Variants in ATP8B4 observed in about 807,000 individuals in gnomAD.
The protein encoded by ATP8B4 is probable phospholipid-transporting ATPase IM.
Under a neutral mutation model 145.6 loss-of-function variants are expected in ATP8B4, and 133 were observed. The observed-to-expected ratio is 0.91, with a 90% CI of 0.79 to 1.05. ATP8B4 has a LOEUF of 1.05. Among genes scored for constraint, ATP8B4 ranks in the 50% least tolerant of loss-of-function variants. The pLI is 0.00. For synonymous variants in ATP8B4, 507 were observed against 492.9 expected (o/e 1.03, Z -0.38); for missense variants, 1,458 against 1,425.2 (o/e 1.02, Z -0.37).
intron 1 of ATP8B4, among the ~76,000 whole-genome samples, chr15:50,127,459 C>T (rs931465818): frequency 2.0e-5 from 3 of 152,190 alleles, no homozygotes; most frequent in Admixed American, 6.5e-5. Context: ...CCACAGCAAT[C>T]GTGAATGTGG....
At chr15:50,034,692 G>A (rs1008612402) in intron 6 of ATP8B4, among the ~76,000 whole-genome samples, 3 of 152,126 alleles carry the variant, frequency 2.0e-5, no homozygotes, top group Non-Finnish European at 4.4e-5. Context: ...TCATTTAATT[G>A]CTCTGGGCTG....
intron 1 of ATP8B4, among the ~76,000 whole-genome samples, chr15:50,176,173 G>A (rs2044760687): frequency 6.6e-6 from 1 of 151,192 alleles, no homozygotes; most frequent in Non-Finnish European, 1.5e-5. Context: ...CACACACAAT[G>A]GAATACTACA....
chr15:49,958,156 G>A (rs2413987), intron 14 of ATP8B4, among the ~76,000 whole-genome samples: 67,088 of 151,066 alleles, frequency 0.44, 16,335 homozygotes, highest in Non-Finnish European at 0.54. Flanking sequence ...TTCAAACTCA[G>A]TGGTTCAATT....
intron 12 of ATP8B4, among the ~76,000 whole-genome samples, chr15:49,975,150 C>T (rs1044525499): frequency 6.6e-6 from 1 of 152,092 alleles, no homozygotes; most frequent in Non-Finnish European, 1.5e-5. Context: ...ATGTTAAACT[C>T]TTAATTATTT....
chr15:49,966,005 G>A (rs779922644), intron 13 of ATP8B4, among the ~76,000 whole-genome samples: 1 of 152,180 alleles, frequency 6.6e-6, no homozygotes, highest in Non-Finnish European at 1.5e-5. Context: ...CCTCACCGGG[G>A]AAGTGCAAGG....
rs369193919 is a variant in ATP8B4 at position 49,951,642 on chromosome 15, A to G, written c.1287+10335T>C. 2.7e-4 allele frequency among the ~76,000 whole-genome samples: 41 copies of G among 152,212 alleles called. No individual in the cohort carries two copies. The East Asian group carries it at 3.1e-3, about 11-fold the overall frequency. On this transcript the variant is annotated intron_variant, in intron 14 of 27. Coordinates refer to ENST00000284509, the MANE Select transcript of ATP8B4 (RefSeq NM_024837.4). ...GCACACTAATGGGTCTTGATTCCCT[A>G]TCCAATTTCCCAGTCTGTGCCTTTT...
intron 12 of ATP8B4, among the ~76,000 whole-genome samples, chr15:49,979,413 GA>G (rs1454814561): frequency 6.6e-6 from 1 of 152,082 alleles, no homozygotes; most frequent in African/African-American, 2.4e-5. Context: ...AAATCAAGAA[GA>G]AAATTAACCG....
chr15:49,986,606 A>C (rs886988055), intron 10 of ATP8B4, among the ~76,000 whole-genome samples: 4 of 152,202 alleles, frequency 2.6e-5, no homozygotes, highest in Non-Finnish European at 2.9e-5. Flanking sequence ...TTGTTGAGGA[A>C]GGTCAGTTAA....
At chr15:50,002,308 A>C in intron 7 of ATP8B4, 85 bp from the exon 8 acceptor site, 4 of 1,078,766 alleles carry the variant, frequency 3.7e-6, no homozygotes, top group Non-Finnish European at 5.4e-6. Flanking sequence ...CTTGACTACT[A>C]AAGAGGCAAC....
At chr15:49,926,931 A>C (rs2040777218) in intron 16 of ATP8B4, among the ~76,000 whole-genome samples, 1 of 152,150 alleles carries the variant, frequency 6.6e-6, no homozygotes, top group African/African-American at 2.4e-5. Context: ...TTGTACTTTG[A>C]TAATCTTGAA....
intron 25 of ATP8B4, among the ~76,000 whole-genome samples, chr15:49,874,715 A>G (rs1488678517): frequency 6.6e-6 from 1 of 152,100 alleles, no homozygotes. Flanking sequence ...TATTTTAAAA[A>G]CTTCAAGCGA....
intron 6 of ATP8B4, among the ~76,000 whole-genome samples, chr15:50,026,901 A>T (rs1253934410): frequency 1.3e-5 from 2 of 152,124 alleles, no homozygotes; most frequent in East Asian, 3.9e-4. Flanking sequence ...AACTGGAGGG[A>T]CAGGAGATGG....
chr15:49,949,591 A>G (rs1355773623), intron 14 of ATP8B4, among the ~76,000 whole-genome samples: 1 of 152,156 alleles, frequency 6.6e-6, no homozygotes, highest in Non-Finnish European at 1.5e-5. Flanking sequence ...GGTTTTCTAA[A>G]TATAAAATCA....
intron 2 of ATP8B4, among the ~76,000 whole-genome samples, chr15:50,091,346 T>C (rs950448070): frequency 6.6e-6 from 1 of 152,198 alleles, no homozygotes; most frequent in Non-Finnish European, 1.5e-5. Flanking sequence ...TCTGTAGTAA[T>C]GGTTGTATGG....
chr15:50,095,535 T>C (rs1432803924), intron 2 of ATP8B4, among the ~76,000 whole-genome samples: 1 of 152,146 alleles, frequency 6.6e-6, no homozygotes, highest in Admixed American at 6.5e-5. Flanking sequence ...GGGTGAAAGA[T>C]TACTTCAGGC....
Position 49,876,403 on chromosome 15 carries a change from C to T in ATP8B4, c.2902G>A (p.Val968Ile). 6.2e-7 allele frequency: 1 copy of T among 1,614,112 alleles called. No homozygotes were observed. Among genetic ancestry groups the T allele is most frequent in the Non-Finnish European group, 8.5e-7 (1 of 1,179,998 alleles). The change falls in exon 25 of 28, where the codon GTC (valine) becomes ATC (isoleucine). Residue 968 changes from valine (V) to isoleucine (I), a missense_variant. Transcript: ENST00000284509. ...GCCCCATAGGGGATGAAGAAAAGGA[C>T]TAATGAGGTGTAGATTCCATGCAAC... ...CVLHGIYTSL[V>I]LFFIPYGAFY... is the part of the protein sequence containing the mutation.
Position 49,897,432 on chromosome 15 carries a change from A to G in ATP8B4, c.2557T>C (p.Tyr853His). ...TGAACAAGGAGAAGCCTTTGGAGAT[A>G]TCTAAACTGTGCAAATGAATAGTCG... ...ASDYSFAQFR[Y>H]LQRLLLVHGR... The change falls in exon 23 of 28, where the codon TAT becomes CAT. Residue 853 changes from tyrosine to histidine, a missense_variant. By Grantham distance (83) the Tyr-to-His change is moderately conservative. Coordinates refer to ENST00000284509, the MANE Select transcript of ATP8B4 (RefSeq NM_024837.4). The G allele has an allele frequency of 6.2e-7, 1 of 1,612,912 alleles. No homozygotes were observed. Among genetic ancestry groups the G allele is most frequent in the Non-Finnish European group, 8.5e-7 (1 of 1,179,518 alleles).
intron 20 of ATP8B4, among the ~76,000 whole-genome samples, chr15:49,908,645 T>C (rs1325093484): frequency 6.6e-6 from 1 of 152,014 alleles, no homozygotes; most frequent in Non-Finnish European, 1.5e-5. Flanking sequence ...TACCACAAAA[T>C]GACAGCAAAG....
rs1292158094 is a variant in ATP8B4 at position 49,862,316 on chromosome 15, CTGT to C, written c.3223_3225del (p.Thr1075del). On this transcript the variant is annotated inframe_deletion, in exon 27 of 28. Transcript: ENST00000284509. The stretch of plus-strand genomic sequence containing the variant: ...GCCACCACTGGCATAACTGAAGCCA[CTGT>C]TGTTAAGAGAATTACAAGCCAGATG... The C allele has an allele frequency of 2.5e-6, 4 of 1,613,892 alleles. No homozygotes were observed. The highest frequency in any genetic ancestry group is 2.2e-5 in the South Asian group (2 of 91,076).
Sources: allele counts gnomAD v4.1 joint callset (sites outside exome capture counted in the v4.1 genomes callset), GRCh38; gene constraint gnomAD v4.1.1; transcripts MANE v1.5; gene names NCBI Gene and HGNC (gene_info 2026-07-23, HGNC 2026-07-21).